Variants in ZBTB20 observed in about 807,000 individuals in gnomAD.
ZBTB20 encodes zinc finger and BTB domain-containing protein 20.
In ZBTB20, 9 loss-of-function variants were observed where a neutral mutation model predicts 56.9. That is an observed-to-expected ratio of 0.16 (90% CI 0.10 to 0.28). The LOEUF (loss-of-function observed/expected upper bound fraction) is 0.28. Among genes scored for constraint, ZBTB20 ranks in the 10% least tolerant of loss-of-function variants. The pLI, the probability that ZBTB20 is intolerant of heterozygous loss-of-function variation, is 1.00. For missense variants in ZBTB20, 655 were observed against 1,003.0 expected (o/e 0.65, Z 4.69); for synonymous variants, 417 against 420.7 (o/e 0.99, Z 0.11).
chr3:114,854,152 C>T (rs1057419221), intron 4 of ZBTB20, among the ~76,000 whole-genome samples: 1 of 152,148 alleles, frequency 6.6e-6, no homozygotes, highest in East Asian at 1.9e-4. Context: ...GTTCTCCCAT[C>T]TGTAAAACAG....
chr3:114,624,362 A>C lies in ZBTB20; in HGVS notation c.-295+69166T>G, dbSNP rs573512124. ...AATAAACAACAGTAAGAGAAACAAA[A>C]AAAAAAAAAACCCATCCCGTCCTGC... On this transcript the variant is annotated intron_variant, in intron 6 of 11. Transcript: ENST00000675478. 1.4e-3 allele frequency among the ~76,000 whole-genome samples: 215 copies of C among 151,520 alleles called. 2 individuals are homozygous for C. The highest frequency in any genetic ancestry group is 6.8e-3 in the Middle Eastern group (2 of 294).
intron 7 of ZBTB20, among the ~76,000 whole-genome samples, chr3:114,466,920 T>C (rs2092577055): frequency 6.6e-6 from 1 of 152,168 alleles, no homozygotes; most frequent in Non-Finnish European, 1.5e-5. Flanking sequence ...TAGGTTTCAG[T>C]GACTTGAGGA....
chr3:114,629,019 T>G (rs964848536), intron 6 of ZBTB20, among the ~76,000 whole-genome samples: 1 of 152,218 alleles, frequency 6.6e-6, no homozygotes, highest in Non-Finnish European at 1.5e-5. Flanking sequence ...GGATCTTTGA[T>G]GAAAACCAAC....
At chr3:114,683,380 G>C (rs1338519605) in intron 6 of ZBTB20, among the ~76,000 whole-genome samples, 1 of 152,120 alleles carries the variant, frequency 6.6e-6, no homozygotes, top group East Asian at 1.9e-4. Context: ...GCTATGAATG[G>C]ACAATAATTC....
At chr3:114,695,712 G>A (rs2062967280) in intron 5 of ZBTB20, among the ~76,000 whole-genome samples, 1 of 151,852 alleles carries the variant, frequency 6.6e-6, no homozygotes, top group Non-Finnish European at 1.5e-5. Context: ...GCTTTGTGCA[G>A]ATTGTTAATC....
At chr3:115,026,346 C>A (rs898688076) in intron 2 of ZBTB20, among the ~76,000 whole-genome samples, 3 of 150,986 alleles carry the variant, frequency 2.0e-5, no homozygotes, top group Admixed American at 6.6e-5. Flanking sequence ...CATATAAATA[C>A]CTTATTTGCT....
intron 5 of ZBTB20, among the ~76,000 whole-genome samples, chr3:114,699,446 T>G (rs1454190297): frequency 2.6e-5 from 4 of 152,024 alleles, no homozygotes; most frequent in Non-Finnish European, 2.9e-5. Context: ...AAACAGTTTT[T>G]TTTTGGAAAA....
intron 1 of ZBTB20, among the ~76,000 whole-genome samples, chr3:115,096,239 G>A (rs926655533): frequency 2.6e-5 from 4 of 152,126 alleles, no homozygotes; most frequent in African/African-American, 9.7e-5. Context: ...TTGATGGAGG[G>A]TAAACTGTTT....
chr3:114,837,187 C>A (rs1285957277), intron 4 of ZBTB20, among the ~76,000 whole-genome samples: 1 of 152,156 alleles, frequency 6.6e-6, no homozygotes, highest in East Asian at 1.9e-4. Flanking sequence ...AAAGCATCCC[C>A]AATTCATTCT....
chr3:114,929,225 T>C (rs1264775801), intron 3 of ZBTB20, among the ~76,000 whole-genome samples: 1 of 152,158 alleles, frequency 6.6e-6, no homozygotes, highest in Non-Finnish European at 1.5e-5. Flanking sequence ...GCATCAGTGC[T>C]ATCCAGGGAA....
intron 2 of ZBTB20, among the ~76,000 whole-genome samples, chr3:115,021,670 CT>C (rs2080211349): frequency 1.3e-5 from 2 of 150,452 alleles, no homozygotes; most frequent in Admixed American, 6.7e-5. Flanking sequence ...AAAAAGGATC[CT>C]TTTTCTTCTG....
intron 7 of ZBTB20, among the ~76,000 whole-genome samples, chr3:114,390,812 A>G (rs2085796267): frequency 1.3e-5 from 2 of 152,200 alleles, no homozygotes; most frequent in African/African-American, 2.4e-5. Context: ...TCTAACTTTG[A>G]GAAGTTCACA....
rs765333264 is a variant in ZBTB20, at chr3:114,477,489, C to CTTT, written c.-255+22860_-255+22862dup. Among the ~76,000 whole-genome samples the CTTT allele has an allele frequency of 1.1e-3, 115 of 109,250 alleles. 2 individuals carry two copies. The highest frequency in any genetic ancestry group is 2.6e-3 in the African/African-American group (68 of 25,896). The allele number at this position is 109,250 out of a possible 152,430, so 71.7% of individuals were successfully genotyped here. A position where few individuals can be genotyped will look rare whatever the true frequency, so the allele number is the denominator to read the frequency against. On this transcript the variant is annotated intron_variant, in intron 7 of 11. Coordinates refer to ENST00000675478, the MANE Select transcript of ZBTB20 (RefSeq NM_001348800.3). ...CTGAAAATGACCTTTGTTCCCTGCA[C>CTTT]TTTTTTTTTTTTTTTTTTTTTTTGA... is the stretch of plus-strand genomic sequence containing the variant.
chr3:114,416,318 G>C (rs2733396), intron 7 of ZBTB20, among the ~76,000 whole-genome samples: 36,250 of 108,294 alleles, frequency 0.33, 4,925 homozygotes, highest in South Asian at 0.47. Context: ...CAATTCCTTA[G>C]CAATACTTAA....
intron 4 of ZBTB20, among the ~76,000 whole-genome samples, chr3:114,889,228 C>T (rs1415090916): frequency 2.0e-5 from 3 of 151,826 alleles, no homozygotes; most frequent in Admixed American, 1.3e-4. Context: ...AAGGATGATA[C>T]ATGCAGATAT....
At chr3:114,989,963 A>G (rs1437526181) in intron 2 of ZBTB20, among the ~76,000 whole-genome samples, 1 of 152,096 alleles carries the variant, frequency 6.6e-6, no homozygotes. Context: ...GTATCCTGAG[A>G]CTTTGCTGAA....
chr3:115,001,416 T>G (rs189430482), intron 2 of ZBTB20, among the ~76,000 whole-genome samples: 2 of 151,302 alleles, frequency 1.3e-5, no homozygotes, highest in South Asian at 4.1e-4. Context: ...TGTTGACCAA[T>G]AGCAGTATTA....
intron 2 of ZBTB20, among the ~76,000 whole-genome samples, chr3:115,009,150 G>T (rs2079594257): frequency 6.6e-6 from 1 of 151,536 alleles, no homozygotes; most frequent in African/African-American, 2.4e-5. Context: ...TTTTCTTCTG[G>T]AATGTATTCT....
chr3:114,383,601 T>C (rs1182074251), intron 8 of ZBTB20: 1 of 152,218 alleles, frequency 6.6e-6, no homozygotes, highest in Non-Finnish European at 1.5e-5. Flanking sequence ...ATTTGTCTTA[T>C]ATCACTTTAC....
Sources: gnomAD v4.1 joint callset for allele counts (sites outside exome capture counted in the v4.1 genomes callset) on GRCh38, gnomAD v4.1.1 for gene constraint, MANE v1.5 for transcripts, NCBI Gene and HGNC (gene_info 2026-07-23, HGNC 2026-07-21) for gene names.